The following USH2A variants were observed in gnomAD, a reference collection of about 807,000 sequenced individuals.
USH2A encodes Usher syndrome 2A (autosomal recessive, mild).
Under a neutral mutation model 538.9 loss-of-function variants are expected in USH2A, and 443 were observed. The observed-to-expected ratio is 0.82, with a 90% CI of 0.76 to 0.89. The LOEUF is 0.89. Among genes scored for constraint, USH2A ranks in the 40% least tolerant of loss-of-function variants. USH2A has a pLI of 0.00. For missense variants in USH2A, 6,633 were observed against 6,324.8 expected, an observed-to-expected ratio of 1.05 and a Z score of -1.65; for synonymous variants, 2,413 against 2,273.5, an observed-to-expected ratio of 1.06 and a Z score of -1.75.
chr1:216,017,857 C>T (rs1198344788), intron 32 of USH2A, among the ~76,000 whole-genome samples: 1 of 152,116 alleles, frequency 6.6e-6, no homozygotes, highest in African/African-American at 2.4e-5. Context: ...TATTTTAATA[C>T]TATTTCAACC....
Position 215,757,779 on chromosome 1 carries a change from A to G in USH2A, c.11389+816T>C, listed in dbSNP as rs554031727. On this transcript the variant is annotated intron_variant, in intron 58 of 71. Coordinates refer to ENST00000307340, the MANE Select transcript of USH2A (RefSeq NM_206933.4). The stretch of plus-strand genomic sequence containing the variant: ...AACCCAATAATGACTAAATGGCTCA[A>G]TGAAGGCTATTCAGCTTACAGAGGA... Among the ~76,000 whole-genome samples the G allele has an allele frequency of 7.9e-5, 12 of 152,302 alleles. No homozygotes were observed. In the South Asian group the frequency reaches 2.5e-3, roughly 32 times the overall value.
intron 11 of USH2A, among the ~76,000 whole-genome samples, chr1:216,286,739 A>G (rs1430161512): frequency 1.3e-5 from 2 of 151,922 alleles, no homozygotes; most frequent in Admixed American, 1.3e-4. Flanking sequence ...AAATAAATAA[A>G]TAAATAAATA....
At chr1:216,125,359 C>T (rs2033229879) in intron 21 of USH2A, among the ~76,000 whole-genome samples, 1 of 152,086 alleles carries the variant, frequency 6.6e-6, no homozygotes, top group Non-Finnish European at 1.5e-5. Flanking sequence ...CTGTCTTTTC[C>T]CTGCCTCTCG....
chr1:216,052,421 T>A (rs2030822249), intron 30 of USH2A, among the ~76,000 whole-genome samples: 1 of 151,816 alleles, frequency 6.6e-6, no homozygotes, highest in African/African-American at 2.4e-5. Flanking sequence ...CTTGCCAACT[T>A]TGGATCAAAG....
At chr1:216,231,922 A>G (rs765630488) in intron 14 of USH2A, 31 bp downstream of exon 14, 2 of 1,613,394 alleles carry the variant, frequency 1.2e-6, no homozygotes, top group South Asian at 2.2e-5. Flanking sequence ...CTAAAGAAAG[A>G]GTTAAATTAT....
intron 55 of USH2A, among the ~76,000 whole-genome samples, chr1:215,769,760 C>T (rs538023340): frequency 6.6e-6 from 1 of 152,194 alleles, no homozygotes; most frequent in East Asian, 1.9e-4. Flanking sequence ...AGAAAACCTT[C>T]GTCAAGAAGT....
At chr1:215,644,210 T>C (rs1656777605) in intron 67 of USH2A, among the ~76,000 whole-genome samples, 2 of 152,126 alleles carry the variant, frequency 1.3e-5, no homozygotes, top group Admixed American at 1.3e-4. Context: ...GTGCTGGAGA[T>C]GAAAATGGAG....
chr1:215,914,991 C>T (rs550273456), intron 38 of USH2A, among the ~76,000 whole-genome samples: 1 of 152,258 alleles, frequency 6.6e-6, no homozygotes, highest in East Asian at 1.9e-4. Context: ...AACATAAGCA[C>T]ACTACAATGT....
intron 35 of USH2A, 83 bp downstream of exon 35, chr1:215,992,937 C>T (rs1173128106): frequency 6.3e-7 from 1 of 1,582,774 alleles, no homozygotes; most frequent in African/African-American, 1.4e-5. Flanking sequence ...AAAAATTAAG[C>T]ACCACATATA....
Position 216,246,793 on chromosome 1 carries a change from T to C in USH2A, c.2601A>G (p.Gln867=). Residue 867 remains glutamine (Q), a synonymous_variant, in exon 13 of 72, where the codon CAA becomes CAG. Transcript: ENST00000307340. ...GSLLCNKSTG[Q]CPCKLGVTGL... ...CTGTTACCCCTAATTTGCAAGGACA[T>C]TGTCCTGTTGATTTGTTACACAGCA... The C allele has an allele frequency of 6.2e-7, 1 of 1,614,158 alleles. No individual in the cohort carries two copies. The highest frequency in any genetic ancestry group is 1.1e-5 in the South Asian group (1 of 91,080).
intron 32 of USH2A, among the ~76,000 whole-genome samples, chr1:216,045,830 C>T (rs986143598): frequency 2.0e-5 from 3 of 152,100 alleles, no homozygotes; most frequent in African/African-American, 7.2e-5. Flanking sequence ...CACAGTAGGA[C>T]AGCCCTGGGT....
At chr1:215,749,985 A>T (rs12139951) in intron 58 of USH2A, among the ~76,000 whole-genome samples, 146,492 of 152,166 alleles carry the variant, frequency 0.96, 70,790 homozygotes, top group East Asian at 1. Context: ...TTATTCAACT[A>T]TTTTTCTCCA....
At chr1:215,836,542 A>AT (rs1379049807) in intron 47 of USH2A, among the ~76,000 whole-genome samples, 3 of 17,774 alleles carry the variant, frequency 1.7e-4, no homozygotes, top group East Asian at 7.7e-3. Flanking sequence ...ATATATATAT[A>AT]ATATATATAT....
At chr1:215,842,529 T>C (rs1210868593) in intron 46 of USH2A, among the ~76,000 whole-genome samples, 1 of 152,122 alleles carries the variant, frequency 6.6e-6, no homozygotes, top group Non-Finnish European at 1.5e-5. Flanking sequence ...TGCAGCACTA[T>C]TAACAATAGC....
At chr1:216,416,368 C>A (rs2039576332) in intron 3 of USH2A, among the ~76,000 whole-genome samples, 1 of 152,048 alleles carries the variant, frequency 6.6e-6, no homozygotes, top group Admixed American at 6.6e-5. Context: ...GATTAAATGA[C>A]AGATCTGAAT....
rs74141508 is a variant in USH2A, at chr1:216,144,509, T to A, written c.4627+30743A>T. On this transcript the variant is annotated intron_variant, in intron 21 of 71. Transcript: ENST00000307340. ...AATAAACCCCAGGAAAATATGATTGTTCAGCTATCAATATGTATTGGAAAT... is the reference window on the plus strand; with the variant it reads ...AATAAACCCCAGGAAAATATGATTGATCAGCTATCAATATGTATTGGAAAT... Among the ~76,000 whole-genome samples the A allele has an allele frequency of 3.8e-3, 585 of 152,234 alleles. 1 individual carries two copies. The highest frequency in any genetic ancestry group is 0.014 in the African/African-American group (565 of 41,532).
intron 3 of USH2A, among the ~76,000 whole-genome samples, chr1:216,397,881 G>A (rs557798823): frequency 6.6e-6 from 1 of 152,280 alleles, no homozygotes; most frequent in African/African-American, 2.4e-5. Context: ...AATGATGTGA[G>A]CAAATTCTCC....
At chr1:215,929,097 T>C (rs1398183390) in intron 38 of USH2A, among the ~76,000 whole-genome samples, 4 of 152,022 alleles carry the variant, frequency 2.6e-5, no homozygotes, top group Admixed American at 2.6e-4. Flanking sequence ...TAAGAAAACA[T>C]GAAAACATCT....
chr1:215,815,677 C>T (rs1443434158), intron 48 of USH2A, among the ~76,000 whole-genome samples: 1 of 151,790 alleles, frequency 6.6e-6, no homozygotes, highest in African/African-American at 2.4e-5. Context: ...TTTCTTCATC[C>T]CATTACTTTT....
Sources: allele counts gnomAD v4.1 joint callset (sites outside exome capture counted in the v4.1 genomes callset), GRCh38; gene constraint gnomAD v4.1.1; transcripts MANE v1.5; gene names NCBI Gene and HGNC (gene_info 2026-07-23, HGNC 2026-07-21).